Variants in JARID2 observed in about 807,000 individuals in gnomAD.
JARID2 encodes the protein jumonji and AT-rich interaction domain containing 2, also known as protein Jumonji.
Under a neutral mutation model 125.6 loss-of-function variants are expected in JARID2, and 21 were observed. That is an observed-to-expected ratio of 0.17 (90% CI 0.12 to 0.24). The LOEUF is 0.24. Among genes scored for constraint, JARID2 ranks in the 10% least tolerant of loss-of-function variants. The pLI, the probability that JARID2 is intolerant of heterozygous loss-of-function variation, is 1.00. For missense variants in JARID2, 1,303 were observed against 1,639.6 expected, an observed-to-expected ratio of 0.79 and a Z score of 3.55; for synonymous variants, 736 against 661.6, an observed-to-expected ratio of 1.11 and a Z score of -1.73.
intron 1 of JARID2, among the ~76,000 whole-genome samples, chr6:15,284,919 T>A (rs962782836): frequency 2.6e-5 from 4 of 152,098 alleles, no homozygotes; most frequent in Non-Finnish European, 5.9e-5. Flanking sequence ...CAGCTTTAGT[T>A]GGGTCTGGTA....
intron 4 of JARID2, among the ~76,000 whole-genome samples, chr6:15,456,023 G>T (rs1428336705): frequency 6.6e-6 from 1 of 152,198 alleles, no homozygotes; most frequent in Non-Finnish European, 1.5e-5. Context: ...ATTTAGTTAT[G>T]CAGGTCTTTA....
At chr6:15,416,373 G>A (rs1367911997) in intron 3 of JARID2, among the ~76,000 whole-genome samples, 3 of 152,128 alleles carry the variant, frequency 2.0e-5, no homozygotes, top group African/African-American at 4.8e-5. Flanking sequence ...CCGAGATCAC[G>A]CCACTGCACT....
chr6:15,313,177 A>G (rs1388700706), intron 1 of JARID2, among the ~76,000 whole-genome samples: 1 of 152,140 alleles, frequency 6.6e-6, no homozygotes, highest in Non-Finnish European at 1.5e-5. Flanking sequence ...TTTGATGGTT[A>G]GGGAGAATAT....
chr6:15,309,907 G>T (rs891621711), intron 1 of JARID2, among the ~76,000 whole-genome samples: 1 of 152,076 alleles, frequency 6.6e-6, no homozygotes, highest in Non-Finnish European at 1.5e-5. Context: ...AGGAGATAAG[G>T]CTTATCTATA....
intron 4 of JARID2, among the ~76,000 whole-genome samples, chr6:15,462,851 G>C (rs998845415): frequency 6.6e-6 from 1 of 152,244 alleles, no homozygotes; most frequent in African/African-American, 2.4e-5. Context: ...CAATTTTATA[G>C]AAACCACAGC....
Position 15,513,337 on chromosome 6 carries a change from G to C in JARID2, c.3365G>C (p.Gly1122Ala). The C allele has an allele frequency of 1.2e-6, 2 of 1,613,270 alleles. No homozygotes were observed. Among genetic ancestry groups the C allele is most frequent in the South Asian group, 2.2e-5 (2 of 90,806 alleles). The change falls in exon 16 of 18, where the codon GGG becomes GCG. Residue 1122 changes from glycine to alanine, a missense_variant. Transcript: ENST00000341776. ...SHDGSSTVAD[G>A]KKKPRKWLQL... Reference sequence around the variant, plus strand: ...GATGGCAGCAGCACGGTGGCGGACGGGAAGAAAAAGCCTCGAAAGTGGCTG... The same window carrying C: ...GATGGCAGCAGCACGGTGGCGGACGCGAAGAAAAAGCCTCGAAAGTGGCTG...
intron 1 of JARID2, among the ~76,000 whole-genome samples, chr6:15,366,603 G>A (rs1010000269): frequency 2.0e-5 from 3 of 151,856 alleles, no homozygotes; most frequent in African/African-American, 7.3e-5. Flanking sequence ...TCTGTGTTAG[G>A]AGATCTTCCT....
chr6:15,500,476 G>A (rs1035806261), intron 7 of JARID2, among the ~76,000 whole-genome samples: 2 of 152,134 alleles, frequency 1.3e-5, no homozygotes, highest in African/African-American at 4.8e-5. Flanking sequence ...AGGTGACGCT[G>A]GGCCGTGGGT....
intron 1 of JARID2, among the ~76,000 whole-genome samples, chr6:15,252,423 C>G (rs576364187): frequency 1.9e-4 from 29 of 152,200 alleles, no homozygotes; most frequent in Middle Eastern, 3.4e-3. Flanking sequence ...CCTTAATCCC[C>G]GCATGCTAAA....
At chr6:15,269,829 A>G (rs950655937) in intron 1 of JARID2, among the ~76,000 whole-genome samples, 1 of 152,112 alleles carries the variant, frequency 6.6e-6, no homozygotes, top group African/African-American at 2.4e-5. Flanking sequence ...CTTGGATGGG[A>G]TCCCCAGGAA....
In JARID2 at chr6:15,328,764, C is replaced by T. The variant is rs75778046; in HGVS notation, c.46-45353C>T. Among the ~76,000 whole-genome samples the T allele has an allele frequency of 2.6e-3, 403 of 152,292 alleles. 1 individual carries two copies. The highest frequency in any genetic ancestry group is 9.2e-3 in the African/African-American group (382 of 41,542). Reference sequence around the variant, plus strand: ...AACACCTTCCTCTGTTTCAAATTCACGATGACTTCATTTACACCTGTGCAG... The same window carrying T: ...AACACCTTCCTCTGTTTCAAATTCATGATGACTTCATTTACACCTGTGCAG... On this transcript the variant is annotated intron_variant, in intron 1 of 17. Transcript: ENST00000341776.
chr6:15,483,427 G>T (rs570815848), intron 5 of JARID2, among the ~76,000 whole-genome samples: 8 of 151,684 alleles, frequency 5.3e-5, no homozygotes, highest in African/African-American at 1.9e-4. Flanking sequence ...TGGTAGGGAT[G>T]AAATGCATAT....
At chr6:15,284,420 A>G (rs1476841049) in intron 1 of JARID2, among the ~76,000 whole-genome samples, 1 of 152,198 alleles carries the variant, frequency 6.6e-6, no homozygotes, top group African/African-American at 2.4e-5. Flanking sequence ...ATGGATATAT[A>G]GGAAACAGCT....
intron 1 of JARID2, among the ~76,000 whole-genome samples, chr6:15,317,222 A>C (rs553288864): frequency 1.2e-4 from 18 of 152,338 alleles, no homozygotes; most frequent in African/African-American, 3.6e-4. Flanking sequence ...GGTAAGAAAT[A>C]GCTCTGAGGA....
chr6:15,486,806 CTTT>C lies in JARID2; in HGVS notation c.671-485_671-483del, dbSNP rs56268949. The stretch of plus-strand genomic sequence containing the variant: ...CATCTCTTTTAAATCTGAGAATAGA[CTTT>C]TTTTTTTTTTTTTTTGAGACAGAGT... On this transcript the variant is annotated intron_variant, in intron 5 of 17. Coordinates refer to ENST00000341776, the MANE Select transcript of JARID2 (RefSeq NM_004973.4). 6.0e-5 allele frequency among the ~76,000 whole-genome samples: 6 copies of C among 100,504 alleles called. No individual in the cohort carries two copies. In the East Asian group the frequency reaches 8.3e-4, roughly 14 times the overall value. The allele number at this position is 100,504 out of a possible 152,430, so 65.9% of individuals were successfully genotyped here. A position where few individuals can be genotyped will look rare whatever the true frequency, so the allele number is the denominator to read the frequency against.
intron 2 of JARID2, among the ~76,000 whole-genome samples, chr6:15,397,702 C>A (rs536942869): frequency 6.6e-6 from 1 of 152,288 alleles, no homozygotes; most frequent in South Asian, 2.1e-4. Context: ...GGTGCAAAAT[C>A]AAAAGTTGAC....
At chr6:15,249,082 C>A (rs1302513705) in intron 1 of JARID2, 2 of 359,454 alleles carry the variant, frequency 5.6e-6, no homozygotes, top group Non-Finnish European at 3.9e-6. Context: ...GTTTTCACTT[C>A]CTCTGTTCCA....
At chr6:15,438,865 C>T (rs1171020655) in intron 3 of JARID2, among the ~76,000 whole-genome samples, 1 of 152,044 alleles carries the variant, frequency 6.6e-6, no homozygotes, top group South Asian at 2.1e-4. Context: ...AACCCTGCCT[C>T]TAGTAAAAAT....
intron 2 of JARID2, among the ~76,000 whole-genome samples, chr6:15,396,725 A>T (rs1404126769): frequency 6.6e-6 from 1 of 152,218 alleles, no homozygotes; most frequent in African/African-American, 2.4e-5. Context: ...GGGGATTTTT[A>T]AATTTAATAT....
Sources: gnomAD v4.1 joint callset for allele counts (sites outside exome capture counted in the v4.1 genomes callset) on GRCh38, gnomAD v4.1.1 for gene constraint, MANE v1.5 for transcripts, NCBI Gene and HGNC (gene_info 2026-07-23, HGNC 2026-07-21) for gene names.